Variants in FBXW7 observed in about 807,000 individuals in gnomAD.
The protein encoded by FBXW7 is F-box and WD repeat domain containing 7, also known as F-box/WD repeat-containing protein 7.
FBXW7 carries 11 observed loss-of-function variants against 86.3 expected under a neutral mutation model. That is an observed-to-expected ratio of 0.13 (90% CI 0.08 to 0.21). FBXW7 has a LOEUF of 0.21. FBXW7 is among the 10% of genes least tolerant of loss of function. The pLI is 1.00. For missense variants in FBXW7, 488 were observed against 847.4 expected (o/e 0.58, Z 5.27); for synonymous variants, 313 against 297.9 (o/e 1.05, Z -0.52).
rs565397016 is a variant in FBXW7, at chr4:152,408,206, T to C, written c.501+3097A>G. Among the ~76,000 whole-genome samples, 7 of 152,310 alleles carry C rather than the reference T, an allele frequency of 4.6e-5. No individual in the cohort carries two copies. The South Asian group carries it at 1.4e-3, about 32-fold the overall frequency. Reference sequence around the variant, plus strand: ...TAATGCTCAAACACACTTCTCTTCATCAAAAGATCAGGATACCAGATCTGG... The same window carrying C: ...TAATGCTCAAACACACTTCTCTTCACCAAAAGATCAGGATACCAGATCTGG... On this transcript the variant is annotated intron_variant, in intron 4 of 13. Transcript: ENST00000281708.
intron 2 of FBXW7, among the ~76,000 whole-genome samples, chr4:152,510,568 C>G (rs374038989): frequency 1.3e-5 from 2 of 152,156 alleles, no homozygotes; most frequent in South Asian, 4.1e-4. Context: ...TACCACAGAT[C>G]TCTCCAGCCA....
chr4:152,464,918 T>C (rs918749090), intron 2 of FBXW7, among the ~76,000 whole-genome samples: 5 of 152,220 alleles, frequency 3.3e-5, no homozygotes, highest in Non-Finnish European at 7.4e-5. Flanking sequence ...TGTTCAATGA[T>C]TTGCAGACAT....
intron 2 of FBXW7, among the ~76,000 whole-genome samples, chr4:152,484,689 C>T (rs573312286): frequency 1.3e-5 from 2 of 152,130 alleles, no homozygotes; most frequent in Non-Finnish European, 2.9e-5. Context: ...AGAATGGGTA[C>T]GGTAGCTCAT....
chr4:152,391,315 T>C (rs1340436138), intron 4 of FBXW7, among the ~76,000 whole-genome samples: 1 of 152,044 alleles, frequency 6.6e-6, no homozygotes, highest in African/African-American at 2.4e-5. Context: ...GCTGTCAATA[T>C]TACATACTCA....
At chr4:152,445,910 T>TAAAAAAAAAAAAAAAAAAAAAAA (rs11457603) in intron 2 of FBXW7, among the ~76,000 whole-genome samples, 1 of 100,642 alleles carries the variant, frequency 9.9e-6, no homozygotes, top group African/African-American at 3.0e-5. Flanking sequence ...ACTCTGTCTT[T>TAAAAAAAAAAAAAAAAAAAAAAA]AAAAAAAAAA....
intron 4 of FBXW7, 95 bp downstream of exon 4, chr4:152,411,206 TAA>T: frequency 7.2e-7 from 1 of 1,384,714 alleles, no homozygotes; most frequent in Non-Finnish European, 9.5e-7. Context: ...ATCTTAAGAT[TAA>T]TTTTTAGTAA....
intron 2 of FBXW7, among the ~76,000 whole-genome samples, chr4:152,461,222 C>T (rs1742914353): frequency 6.6e-6 from 1 of 152,092 alleles, no homozygotes; most frequent in Admixed American, 6.5e-5. Flanking sequence ...CACTGCACTC[C>T]AGCCTGGGCG....
chr4:152,466,438 G>A (rs1475347725), intron 2 of FBXW7, among the ~76,000 whole-genome samples: 3 of 151,468 alleles, frequency 2.0e-5, no homozygotes, highest in South Asian at 2.1e-4. Flanking sequence ...GCCTGTAATC[G>A]CAGCTACTCG....
intron 2 of FBXW7, among the ~76,000 whole-genome samples, chr4:152,419,089 A>T (rs1411025001): frequency 1.3e-5 from 2 of 152,148 alleles, no homozygotes; most frequent in African/African-American, 4.8e-5. Context: ...ATTGTGTCTA[A>T]ATTATACTTT....
intron 4 of FBXW7, among the ~76,000 whole-genome samples, chr4:152,362,660 A>G (rs1387457291): frequency 6.6e-6 from 1 of 151,918 alleles, no homozygotes; most frequent in East Asian, 1.9e-4. Flanking sequence ...CCCCGTCTCC[A>G]CTGAAAATAT....
At chr4:152,505,336 G>A (rs887292150) in intron 2 of FBXW7, among the ~76,000 whole-genome samples, 1 of 152,056 alleles carries the variant, frequency 6.6e-6, no homozygotes, top group African/African-American at 2.4e-5. Flanking sequence ...GCTGTACTAA[G>A]TTTATTTTAA....
At chr4:152,468,812 C>T (rs1215457556) in intron 2 of FBXW7, among the ~76,000 whole-genome samples, 2 of 152,028 alleles carry the variant, frequency 1.3e-5, no homozygotes, top group Admixed American at 1.3e-4. Flanking sequence ...ACAAAGACGA[C>T]TGCTTCCCTC....
chr4:152,526,856 T>TA (rs915074901), intron 2 of FBXW7, among the ~76,000 whole-genome samples: 6 of 152,114 alleles, frequency 3.9e-5, no homozygotes, highest in East Asian at 1.9e-4. Flanking sequence ...TCTTTTCTAT[T>TA]AAAAAAAAGC....
At chr4:152,480,480 T>A (rs946213214) in intron 2 of FBXW7, among the ~76,000 whole-genome samples, 1 of 152,090 alleles carries the variant, frequency 6.6e-6, no homozygotes, top group African/African-American at 2.4e-5. Context: ...CCTCTAAGTG[T>A]TGGAGTGAAA....
chr4:152,472,687 G>A (rs1054046758), intron 2 of FBXW7, among the ~76,000 whole-genome samples: 1 of 152,190 alleles, frequency 6.6e-6, no homozygotes, highest in Admixed American at 6.5e-5. Flanking sequence ...CTGATATCTT[G>A]ATCTGGGTTG....
chr4:152,327,525 A>C (rs1324195779), intron 11 of FBXW7, among the ~76,000 whole-genome samples: 1 of 152,054 alleles, frequency 6.6e-6, no homozygotes, highest in Non-Finnish European at 1.5e-5. Context: ...AGGAGATAAA[A>C]GCAACAGCAA....
chr4:152,332,760 A>AAT (rs1161553830), intron 7 of FBXW7, 41 bp from the exon 8 acceptor site: 5 of 929,390 alleles, frequency 5.4e-6, no homozygotes, highest in East Asian at 5.0e-5. Flanking sequence ...TATTTAAATA[A>AAT]ATATATATAT....
chr4:152,520,548 A>G (rs935657791), intron 2 of FBXW7, among the ~76,000 whole-genome samples: 1 of 152,106 alleles, frequency 6.6e-6, no homozygotes, highest in Non-Finnish European at 1.5e-5. Context: ...AATAGCCTCA[A>G]TCATTACCCA....
chr4:152,510,519 A>G (rs1747862728), intron 2 of FBXW7, among the ~76,000 whole-genome samples: 1 of 152,208 alleles, frequency 6.6e-6, no homozygotes. Flanking sequence ...CAAGTAAAAA[A>G]GGGAGGAGAG....
Sources: allele counts gnomAD v4.1 joint callset (sites outside exome capture counted in the v4.1 genomes callset), GRCh38; gene constraint gnomAD v4.1.1; transcripts MANE v1.5; gene names NCBI Gene and HGNC (gene_info 2026-07-23, HGNC 2026-07-21).